Variants in CDH13 observed in about 807,000 individuals in gnomAD.
The protein encoded by CDH13 is cadherin 13.
A neutral mutation model predicts 63.8 loss-of-function variants in CDH13; 24 were observed. The observed-to-expected ratio is 0.38, with a 90% confidence interval of 0.27 to 0.53. The LOEUF is 0.53. Ranked by LOEUF, CDH13 falls within the 20% of genes least tolerant of loss-of-function variation. CDH13 has a pLI of 0.85. For synonymous variants in CDH13, 503 were observed against 355.3 expected (o/e 1.42, Z -4.67); for missense variants, 1,049 against 903.1 (o/e 1.16, Z -2.07).
chr16:82,766,558 A>C (rs1367478806), intron 1 of CDH13, among the ~76,000 whole-genome samples: 2 of 152,208 alleles, frequency 1.3e-5, no homozygotes, highest in South Asian at 2.1e-4. Context: ...GAGCTTCATT[A>C]TCTCTCTCCT....
intron 1 of CDH13, among the ~76,000 whole-genome samples, chr16:82,849,254 A>T (rs148316909): frequency 6.6e-6 from 1 of 152,332 alleles, no homozygotes; most frequent in African/African-American, 2.4e-5. Context: ...CTGTGATTCC[A>T]GCACTTTCGG....
intron 6 of CDH13, among the ~76,000 whole-genome samples, chr16:83,406,509 G>T (rs1170193490): frequency 1.3e-5 from 2 of 150,816 alleles, no homozygotes; most frequent in Non-Finnish European, 2.9e-5. Context: ...CATCGCCCAG[G>T]CTGGAGTGCA....
chr16:83,109,674 C>A (rs1047158767), intron 3 of CDH13, among the ~76,000 whole-genome samples: 1 of 152,092 alleles, frequency 6.6e-6, no homozygotes, highest in East Asian at 1.9e-4. Flanking sequence ...GCTGTGGAGG[C>A]AGGAGTACAT....
chr16:83,076,823 C>G (rs528926998), intron 3 of CDH13, among the ~76,000 whole-genome samples: 1 of 152,244 alleles, frequency 6.6e-6, no homozygotes, highest in South Asian at 2.1e-4. Flanking sequence ...ATGAAACCCA[C>G]AAAGCTTATG....
intron 1 of CDH13, chr16:82,826,681 G>A (rs2038271623): frequency 6.6e-6 from 1 of 152,216 alleles, no homozygotes. Context: ...ACAATGAAGA[G>A]TGCCTGTAAA....
chr16:83,197,718 A>C (rs2038915074), intron 4 of CDH13, among the ~76,000 whole-genome samples: 1 of 152,072 alleles, frequency 6.6e-6, no homozygotes. Context: ...GTGGTGATGG[A>C]TACGCAAGCC....
intron 3 of CDH13, among the ~76,000 whole-genome samples, chr16:83,088,197 T>A (rs1443441380): frequency 6.6e-6 from 1 of 152,242 alleles, no homozygotes; most frequent in African/African-American, 2.4e-5. Context: ...CTGTTTAGTT[T>A]GTGTTGACAC....
At chr16:82,714,852 A>G (rs1274433423) in intron 1 of CDH13, among the ~76,000 whole-genome samples, 1 of 142,978 alleles carries the variant, frequency 7.0e-6, no homozygotes, top group African/African-American at 2.6e-5. Flanking sequence ...CTAAGAGAAC[A>G]GCATGAAACA....
chr16:83,553,798 C>A (rs983034334), intron 7 of CDH13, among the ~76,000 whole-genome samples: 2 of 152,222 alleles, frequency 1.3e-5, no homozygotes, highest in African/African-American at 4.8e-5. Flanking sequence ...CTCAGGTGAT[C>A]CACCTGCCTT....
intron 6 of CDH13, among the ~76,000 whole-genome samples, chr16:83,481,429 T>C (rs1216195913): frequency 1.3e-5 from 2 of 152,196 alleles, no homozygotes; most frequent in East Asian, 1.9e-4. Context: ...CACTCTCAGA[T>C]CTGCGCTCTC....
intron 1 of CDH13, among the ~76,000 whole-genome samples, chr16:82,812,888 A>G (rs909291774): frequency 6.1e-5 from 9 of 148,388 alleles, no homozygotes; most frequent in African/African-American, 2.2e-4. Context: ...TCTCATAAGG[A>G]TTCATTTGAG....
intron 3 of CDH13, among the ~76,000 whole-genome samples, chr16:83,036,150 T>C (rs1454568235): frequency 6.8e-6 from 1 of 147,752 alleles, no homozygotes; most frequent in Non-Finnish European, 1.5e-5. Context: ...CCTCTTTTTT[T>C]TTTTTTTTTT....
In CDH13 at chr16:82,645,004, A is replaced by G. The variant is rs796884041; in HGVS notation, c.45+17867A>G. 5.9e-5 allele frequency among the ~76,000 whole-genome samples: 9 copies of G among 152,290 alleles called. 1 individual carries two copies. The highest frequency in any genetic ancestry group is 2.2e-4 in the African/African-American group (9 of 41,560). On this transcript the variant is annotated intron_variant, in intron 1 of 13. Transcript: ENST00000567109. ...CCAGATTGGGTTTTGTTTTTTCACA[A>G]ATGAAAGTCTCTGAGATTGTAGTGT...
chr16:83,415,311 TA>T (rs2092184133), intron 6 of CDH13, among the ~76,000 whole-genome samples: 1 of 152,012 alleles, frequency 6.6e-6, no homozygotes, highest in Non-Finnish European at 1.5e-5. Context: ...AAGTAAAGCT[TA>T]AGACCAGATG....
intron 2 of CDH13, among the ~76,000 whole-genome samples, chr16:82,894,060 C>T (rs1475727408): frequency 2.0e-5 from 3 of 152,150 alleles, no homozygotes; most frequent in African/African-American, 7.2e-5. Flanking sequence ...TCCTGAATCC[C>T]AGTCACTGTG....
At chr16:82,894,589 C>T (rs997338584) in intron 2 of CDH13, among the ~76,000 whole-genome samples, 1 of 152,138 alleles carries the variant, frequency 6.6e-6, no homozygotes, top group Non-Finnish European at 1.5e-5. Context: ...TTGCAGTGAG[C>T]CAAGATTGTG....
intron 3 of CDH13, among the ~76,000 whole-genome samples, chr16:83,092,799 C>G (rs1282518232): frequency 6.6e-6 from 1 of 152,194 alleles, no homozygotes; most frequent in Non-Finnish European, 1.5e-5. Flanking sequence ...AATCTAGAAT[C>G]TCCCAAGAGA....
chr16:82,964,214 G>C (rs575954192), intron 2 of CDH13, among the ~76,000 whole-genome samples: 2 of 152,286 alleles, frequency 1.3e-5, no homozygotes, highest in African/African-American at 4.8e-5. Flanking sequence ...ATAAAAGAGA[G>C]GCATAGGCTG....
At chr16:83,683,045 C>G (rs1324271247) in intron 10 of CDH13, among the ~76,000 whole-genome samples, 1 of 152,200 alleles carries the variant, frequency 6.6e-6, no homozygotes, top group African/African-American at 2.4e-5. Context: ...CTCGGCTGAC[C>G]GCGGCCAGAC....
Sources: gnomAD v4.1 joint callset for allele counts (sites outside exome capture counted in the v4.1 genomes callset) on GRCh38, gnomAD v4.1.1 for gene constraint, MANE v1.5 for transcripts, NCBI Gene and HGNC (gene_info 2026-07-23, HGNC 2026-07-21) for gene names.